WDR27: variants seen among roughly 807,000 people sequenced by gnomAD.
WDR27 encodes WD repeat domain 27.
Under a neutral mutation model 114.4 loss-of-function variants are expected in WDR27, and 100 were observed. The ratio of observed to expected loss-of-function variants is 0.87; its 90% CI spans 0.74 to 1.03. The LOEUF is 1.03. Among genes scored for constraint, WDR27 ranks in the 50% least tolerant of loss-of-function variants. The pLI is 0.00. For synonymous variants in WDR27, 449 were observed against 423.1 expected, an observed-to-expected ratio of 1.06 and a Z score of -0.75; for missense variants, 1,129 against 1,092.9, an observed-to-expected ratio of 1.03 and a Z score of -0.47.
intron 2 of WDR27, among the ~76,000 whole-genome samples, chr6:169,685,888 T>C (rs144392459): frequency 7.9e-5 from 12 of 152,274 alleles, no homozygotes; most frequent in African/African-American, 2.9e-4. Context: ...AAATAGGTCC[T>C]TTTAGAGGTA....
chr6:169,621,051 T>G (rs528656729), intron 21 of WDR27, among the ~76,000 whole-genome samples: 178 of 152,316 alleles, frequency 1.2e-3, no homozygotes, highest in African/African-American at 4.1e-3. Context: ...TTCATCTAAC[T>G]CTTCATTCAC....
In WDR27 at chr6:169,668,028, C is replaced by T; in HGVS notation, c.614G>A (p.Trp205Ter). The T allele has an allele frequency of 1.2e-6, 2 of 1,614,014 alleles. No homozygotes were observed. The highest frequency in any genetic ancestry group is 1.7e-6 in the Non-Finnish European group (2 of 1,179,898). Residue 205 changes from tryptophan to a stop codon, truncating the protein, a stop_gained, in exon 5 of 26, where the codon TGG becomes TAG. Coordinates refer to ENST00000448612, the MANE Select transcript of WDR27 (RefSeq NM_182552.5). LOFTEE classifies it high-confidence loss of function. The stretch of plus-strand genomic sequence containing the variant: ...CGCCGAGATGAGGGTGCCTGCTCGC[C>T]AGGGACAGAACTCCACCGCAGTCAC... ...GPVTAVEFCPWRAGTLISASE... is the reference protein window; with the variant it reads ...GPVTAVEFCP
chr6:169,696,161 G>A (rs1175099578), intron 1 of WDR27, among the ~76,000 whole-genome samples: 1 of 152,202 alleles, frequency 6.6e-6, no homozygotes, highest in Non-Finnish European at 1.5e-5. Flanking sequence ...AATGAAAACT[G>A]TAGAAACGAA....
chr6:169,438,881 A>C, the WDR27 span, among the ~76,000 whole-genome samples: 1 of 152,184 alleles, frequency 6.6e-6, no homozygotes, highest in Non-Finnish European at 1.5e-5. Context: ...GTACAGGTCT[A>C]AGTTTTTTCC....
chr6:169,556,536 A>G (rs938369865), intron 25 of WDR27, among the ~76,000 whole-genome samples: 5 of 152,226 alleles, frequency 3.3e-5, no homozygotes, highest in Non-Finnish European at 7.3e-5. Context: ...GGAAACACAG[A>G]AGAATATCTT....
intron 25 of WDR27, among the ~76,000 whole-genome samples, chr6:169,462,539 C>A (rs1562446867): frequency 6.7e-6 from 1 of 149,978 alleles, no homozygotes; most frequent in Admixed American, 6.6e-5. Context: ...GATGGCTTTG[C>A]CAGTGAATTC....
chr6:169,625,666 G>A (rs1240538506), intron 21 of WDR27, among the ~76,000 whole-genome samples: 1 of 152,214 alleles, frequency 6.6e-6, no homozygotes, highest in Non-Finnish European at 1.5e-5. Flanking sequence ...AGGTGCAGTC[G>A]GGAAACCAGT....
chr6:169,690,822 C>T (rs906699422), intron 1 of WDR27, among the ~76,000 whole-genome samples: 8 of 152,226 alleles, frequency 5.3e-5, no homozygotes, highest in Middle Eastern at 3.4e-3. Flanking sequence ...GTGCTGCGGG[C>T]GGGGCAGCAG....
the WDR27 span, among the ~76,000 whole-genome samples, chr6:169,434,913 A>G: frequency 5.9e-5 from 9 of 152,340 alleles, no homozygotes; most frequent in East Asian, 1.7e-3. Context: ...TGTCTCCAGG[A>G]CATGTCAGAG....
At position 169,659,337 on chromosome 6, in the gene WDR27, C is replaced by T. The variant is rs893195797; in HGVS notation, c.1197+114G>A. Reference sequence around the variant, plus strand: ...CGACATCGCCCTGTCACTCCTAAAACGTTTTTACACACAAAATCCCGTTTA... The same window carrying T: ...CGACATCGCCCTGTCACTCCTAAAATGTTTTTACACACAAAATCCCGTTTA... On this transcript the variant is annotated intron_variant, in intron 11 of 25. Transcript: ENST00000448612. This position sits in a 1 kb window ranked among gnomAD's most constrained non-coding sequence, Gnocchi z 4.3. 1.3e-6 allele frequency: 2 copies of T among 1,569,254 alleles called. No homozygotes were observed. The highest frequency in any genetic ancestry group is 2.3e-5 in the East Asian group (1 of 44,370).
intron 21 of WDR27, among the ~76,000 whole-genome samples, chr6:169,629,256 C>A (rs572708141): frequency 1.1e-4 from 16 of 152,006 alleles, no homozygotes; most frequent in African/African-American, 3.9e-4. Context: ...TTAAAAACTC[C>A]GAAATTATAT....
At chr6:169,621,783 T>C (rs2473437) in intron 21 of WDR27, among the ~76,000 whole-genome samples, 142,821 of 152,064 alleles carry the variant, frequency 0.94, 67,138 homozygotes, top group East Asian at 0.99. Context: ...CACACATGCA[T>C]GCATGCATAT....
intron 25 of WDR27, among the ~76,000 whole-genome samples, chr6:169,500,326 T>C (rs999371403): frequency 2.6e-5 from 4 of 152,146 alleles, no homozygotes; most frequent in Non-Finnish European, 4.4e-5. Flanking sequence ...ATGAGGTCTG[T>C]ACTAACAAGC....
At chr6:169,597,816 C>A (rs1221912213) in intron 23 of WDR27, among the ~76,000 whole-genome samples, 2 of 151,450 alleles carry the variant, frequency 1.3e-5, no homozygotes, top group Non-Finnish European at 2.9e-5. Flanking sequence ...TCTCTACATC[C>A]CTGCAATATC....
At chr6:169,476,985 C>A (rs2860631) in intron 25 of WDR27, among the ~76,000 whole-genome samples, 64,161 of 152,112 alleles carry the variant, frequency 0.42, 16,185 homozygotes, top group Non-Finnish European at 0.58. Context: ...ACATTTGTGT[C>A]TTTAACTAAA....
chr6:169,656,278 CCAAT>C (rs1250198609), intron 13 of WDR27, among the ~76,000 whole-genome samples: 8 of 151,924 alleles, frequency 5.3e-5, no homozygotes, highest in African/African-American at 1.9e-4. Flanking sequence ...AGGGTGGGGG[CCAAT>C]CAGAGGAAAG....
At chr6:169,610,287 C>CT (rs1404809088) in intron 22 of WDR27, among the ~76,000 whole-genome samples, 2 of 152,162 alleles carry the variant, frequency 1.3e-5, no homozygotes, top group African/African-American at 4.8e-5. Context: ...CTGTATTAGT[C>CT]TGTTTTTGCA....
At chr6:169,622,538 T>C (rs1461242836) in intron 21 of WDR27, among the ~76,000 whole-genome samples, 1 of 152,098 alleles carries the variant, frequency 6.6e-6, no homozygotes, top group Non-Finnish European at 1.5e-5. Flanking sequence ...TCACTGAATG[T>C]TTATAGAAAA....
rs1242349135 is a variant in WDR27 at position 169,658,359 on chromosome 6, C to A, written c.1320-1G>T. 6.3e-7 allele frequency: 1 copy of A among 1,590,930 alleles called. No homozygotes were observed. Among genetic ancestry groups the A allele is most frequent in the African/African-American group, 1.3e-5 (1 of 74,366 alleles). Reference sequence around the variant, plus strand: ...TGGAGAGGTCGGTAGGACACAGGAGCTGAAACAGAAACAAGCCCCATGAAA... The same window carrying A: ...TGGAGAGGTCGGTAGGACACAGGAGATGAAACAGAAACAAGCCCCATGAAA... On this transcript the variant is annotated splice_acceptor_variant, in intron 12 of 25. Transcript: ENST00000448612. LOFTEE classifies it high-confidence loss of function.
Sources: allele counts gnomAD v4.1 joint callset (sites outside exome capture counted in the v4.1 genomes callset), GRCh38; gene constraint gnomAD v4.1.1; non-coding constraint Gnocchi (gnomAD v3.1); transcripts MANE v1.5; gene names NCBI Gene and HGNC (gene_info 2026-07-23, HGNC 2026-07-21).